TMEM233: variants seen among roughly 807,000 people sequenced by gnomAD.
TMEM233 encodes dispanin subfamily B member 2.
A neutral mutation model predicts 11.2 loss-of-function variants in TMEM233; 6 were observed. The ratio of observed to expected loss-of-function variants is 0.54; its 90% CI spans 0.29 to 1.06. The LOEUF is 1.06. Among genes scored for constraint, TMEM233 ranks in the 50% least tolerant of loss-of-function variants. TMEM233 has a pLI of 0.08. For synonymous variants in TMEM233, 59 were observed against 55.8 expected, an observed-to-expected ratio of 1.06 and a Z score of -0.26; for missense variants, 127 against 144.7, an observed-to-expected ratio of 0.88 and a Z score of 0.63.
intron 1 of TMEM233, among the ~76,000 whole-genome samples, chr12:119,614,430 G>A (rs1418934845): frequency 6.6e-6 from 1 of 151,886 alleles, no homozygotes; most frequent in East Asian, 1.9e-4. Flanking sequence ...GAGAGAGAGA[G>A]AGAGAGGCAA....
intron 1 of TMEM233, among the ~76,000 whole-genome samples, chr12:119,614,276 G>A (rs866053181): frequency 3.3e-5 from 5 of 151,866 alleles, no homozygotes; most frequent in African/African-American, 7.3e-5. Flanking sequence ...GTATGGTGGC[G>A]TGCATCTGTA....
At chr12:119,604,055 G>A (rs1362311817) in intron 1 of TMEM233, among the ~76,000 whole-genome samples, 3 of 152,326 alleles carry the variant, frequency 2.0e-5, no homozygotes, top group South Asian at 2.1e-4. Flanking sequence ...GTTGGTCCAC[G>A]TTTAGAAATT....
chr12:119,653,383 C>T, the TMEM233 span, among the ~76,000 whole-genome samples: 5 of 106,184 alleles, frequency 4.7e-5, no homozygotes, highest in East Asian at 4.6e-4. Flanking sequence ...CAGAGCGAGA[C>T]GCCACCTCAA....
intron 1 of TMEM233, among the ~76,000 whole-genome samples, chr12:119,601,802 A>G (rs1447466672): frequency 1.3e-5 from 2 of 152,234 alleles, no homozygotes; most frequent in African/African-American, 4.8e-5. Context: ...TAAGATCTCA[A>G]ATAAGTTGCC....
chr12:119,633,645 T>C (rs1954926419), intron 2 of TMEM233, among the ~76,000 whole-genome samples: 1 of 152,036 alleles, frequency 6.6e-6, no homozygotes, highest in Non-Finnish European at 1.5e-5. Context: ...GTCATATGCA[T>C]GTAGGGGCAA....
At chr12:119,609,772 G>A (rs1288939784) in intron 1 of TMEM233, among the ~76,000 whole-genome samples, 2 of 152,244 alleles carry the variant, frequency 1.3e-5, no homozygotes, top group African/African-American at 4.8e-5. Context: ...GATTTCAGAG[G>A]ATGTATGGAA....
chr12:119,626,645 G>A (rs1341959004), intron 1 of TMEM233, among the ~76,000 whole-genome samples: 1 of 151,922 alleles, frequency 6.6e-6, no homozygotes, highest in African/African-American at 2.4e-5. Context: ...CCTTGCTAGG[G>A]TATTTTATCA....
chr12:119,613,119 A>T (rs888504513), intron 1 of TMEM233, among the ~76,000 whole-genome samples: 1 of 151,262 alleles, frequency 6.6e-6, no homozygotes, highest in East Asian at 1.9e-4. Flanking sequence ...TAGCCCCCCA[A>T]TTGTTTGGTC....
chr12:119,646,785 T>G (rs1369727728), downstream of TMEM233, among the ~76,000 whole-genome samples: 1 of 152,232 alleles, frequency 6.6e-6, no homozygotes, highest in East Asian at 1.9e-4. Flanking sequence ...AAAAATCTCC[T>G]TATTTTAAGG....
intron 1 of TMEM233, among the ~76,000 whole-genome samples, chr12:119,604,848 C>G (rs559749470): frequency 6.6e-6 from 1 of 151,896 alleles, no homozygotes; most frequent in Non-Finnish European, 1.5e-5. Context: ...TGCCCAAGCT[C>G]GTCTCAAACT....
intron 1 of TMEM233, among the ~76,000 whole-genome samples, chr12:119,596,808 T>C (rs978165383): frequency 3.3e-5 from 5 of 152,160 alleles, no homozygotes; most frequent in African/African-American, 7.2e-5. Flanking sequence ...TTGTACCTTT[T>C]TAAAGCCTTG....
chr12:119,640,854 A>ATG lies in TMEM233; in HGVS notation c.*149_*150insTG. ...AGAGGCAGGTCCCTGGCAAATGAAC[A>ATG]AGAAAAAAAAAAAAAAAAAGTCCAA... On this transcript the variant is annotated 3_prime_UTR_variant, in exon 3 of 3. Coordinates refer to ENST00000426426, the MANE Select transcript of TMEM233 (RefSeq NM_001136534.3). The ATG allele has an allele frequency of 1.9e-6, 1 of 529,552 alleles. No homozygotes were observed. The highest frequency in any genetic ancestry group is 2.7e-6 in the Non-Finnish European group (1 of 376,452). The allele number at this position is 529,552 out of a possible 1,614,324, so 32.8% of individuals were successfully genotyped here.
intron 1 of TMEM233, among the ~76,000 whole-genome samples, chr12:119,625,749 T>C (rs1255944229): frequency 6.6e-6 from 1 of 152,226 alleles, no homozygotes. Flanking sequence ...ATTCTTATTT[T>C]GCTGAAAATT....
chr12:119,638,217 T>C (rs1028591510), intron 2 of TMEM233, among the ~76,000 whole-genome samples: 7 of 152,124 alleles, frequency 4.6e-5, no homozygotes, highest in Non-Finnish European at 1.0e-4. Context: ...CCCAGCACTT[T>C]GGGAGGCAGA....
At chr12:119,652,388 C>G in the TMEM233 span, among the ~76,000 whole-genome samples, 1 of 152,190 alleles carries the variant, frequency 6.6e-6, no homozygotes, top group African/African-American at 2.4e-5. Flanking sequence ...CCTAGTACAG[C>G]TACAAACTCT....
rs1372888211 is a variant in TMEM233, at chr12:119,596,002, G to A, written c.186+1968G>A. Among the ~76,000 whole-genome samples, 3 of 152,206 alleles carry A rather than the reference G, an allele frequency of 2.0e-5. No homozygotes were observed. The South Asian group carries it at 6.2e-4, about 31-fold the overall frequency. On this transcript the variant is annotated intron_variant, in intron 1 of 2. Coordinates refer to ENST00000426426, the MANE Select transcript of TMEM233 (RefSeq NM_001136534.3). ...AATAAGTATCATGAAATGAATGCATGCATGAATGAATGGTGTGGATGAATC... is the reference window on the plus strand; with the variant it reads ...AATAAGTATCATGAAATGAATGCATACATGAATGAATGGTGTGGATGAATC...
At chr12:119,600,936 T>C (rs981506877) in intron 1 of TMEM233, among the ~76,000 whole-genome samples, 1 of 152,048 alleles carries the variant, frequency 6.6e-6, no homozygotes, top group Non-Finnish European at 1.5e-5. Context: ...GTTAAAATGG[T>C]CAATTTTATG....
intron 1 of TMEM233, among the ~76,000 whole-genome samples, chr12:119,622,771 C>A (rs920575957): frequency 2.0e-5 from 3 of 151,996 alleles, no homozygotes; most frequent in Non-Finnish European, 4.4e-5. Flanking sequence ...GCAGATCTAC[C>A]CGTGGGCAGC....
chr12:119,626,258 G>A (rs1299194349), intron 1 of TMEM233, among the ~76,000 whole-genome samples: 1 of 152,100 alleles, frequency 6.6e-6, no homozygotes, highest in Non-Finnish European at 1.5e-5. Context: ...GATTGCTTGA[G>A]GCTGGAAGTT....
Sources: gnomAD v4.1 joint callset for allele counts (sites outside exome capture counted in the v4.1 genomes callset) on GRCh38, gnomAD v4.1.1 for gene constraint, MANE v1.5 for transcripts, NCBI Gene and HGNC (gene_info 2026-07-23, HGNC 2026-07-21) for gene names.